Variants in DDX60L observed in about 807,000 individuals in gnomAD.
DDX60L encodes the protein probable ATP-dependent RNA helicase DDX60-like.
In DDX60L, 191 loss-of-function variants were observed where a neutral mutation model predicts 211.6. The ratio of observed to expected loss-of-function variants is 0.90; its 90% CI spans 0.80 to 1.02. The LOEUF (loss-of-function observed/expected upper bound fraction) is 1.02. DDX60L is among the 50% of genes least tolerant of loss of function. The probability of loss-of-function intolerance (pLI) is 0.00; values close to 1 mark genes in which losing one functional copy is unlikely to be tolerated. For synonymous variants in DDX60L, 706 were observed against 694.1 expected (o/e 1.02, Z -0.27); for missense variants, 2,007 against 1,984.1 (o/e 1.01, Z -0.22).
chr4:168,407,494 G>GT (rs1255054549), intron 22 of DDX60L, among the ~76,000 whole-genome samples: 13 of 152,186 alleles, frequency 8.5e-5, no homozygotes, highest in Admixed American at 2.6e-4. Context: ...CATCTAAACC[G>GT]TAACACCAAG....
intron 9 of DDX60L, among the ~76,000 whole-genome samples, chr4:168,442,528 G>C (rs1043391386): frequency 1.3e-5 from 2 of 152,222 alleles, no homozygotes; most frequent in Non-Finnish European, 2.9e-5. Flanking sequence ...GCCCACCACA[G>C]CTCAAGGAGG....
rs1454105995 is a variant in DDX60L at position 168,375,374 on chromosome 4, T to C, written c.4633+3A>G. 1 of 1,611,180 alleles carries C rather than the reference T, an allele frequency of 6.2e-7. No individual in the cohort carries two copies. The highest frequency in any genetic ancestry group is 1.7e-5 in the Admixed American group (1 of 59,596). On this transcript the variant is annotated splice_donor_region_variant and intron_variant, in intron 34 of 37. Transcript: ENST00000682922. The stretch of plus-strand genomic sequence containing the variant: ...TTCCGGAATGGAACTAAAATCTGCT[T>C]ACTGATTCTTGACAAAGGGAGTTGA...
At position 168,448,789 on chromosome 4, in the gene DDX60L, A is replaced by T; in HGVS notation, c.997-10T>A. 1 of 1,596,930 alleles carries T rather than the reference A, an allele frequency of 6.3e-7. No homozygotes were observed. Among genetic ancestry groups the T allele is most frequent in the Non-Finnish European group, 8.5e-7 (1 of 1,171,154 alleles). On this transcript the variant is annotated splice_polypyrimidine_tract_variant and intron_variant, in intron 8 of 37. Coordinates refer to ENST00000682922, the MANE Select transcript of DDX60L (RefSeq NM_001012967.3). Reference sequence around the variant, plus strand: ...ATTCACACCACTTGTTCTGAAAATTAAAAATAAAACATTATTAGCAGGGAG... The same window carrying T: ...ATTCACACCACTTGTTCTGAAAATTTAAAATAAAACATTATTAGCAGGGAG...
At chr4:168,408,787 T>G (rs1162045406) in intron 22 of DDX60L, among the ~76,000 whole-genome samples, 1 of 152,190 alleles carries the variant, frequency 6.6e-6, no homozygotes, top group Non-Finnish European at 1.5e-5. Context: ...AGGAAGGCTG[T>G]GCAGCTCTTC....
intron 4 of DDX60L, chr4:168,469,072 C>T (rs1004404664): frequency 2.6e-5 from 4 of 152,126 alleles, no homozygotes; most frequent in African/African-American, 9.7e-5. Context: ...TAGAAATTGG[C>T]AAGCTGATTC....
intron 29 of DDX60L, chr4:168,390,496 G>C: frequency 7.2e-7 from 1 of 1,395,970 alleles, no homozygotes; most frequent in East Asian, 2.8e-5. Flanking sequence ...TAAAATCACA[G>C]TCTTCATATT....
intron 26 of DDX60L, among the ~76,000 whole-genome samples, chr4:168,397,869 T>C (rs1746091995): frequency 1.3e-5 from 2 of 152,024 alleles, no homozygotes; most frequent in African/African-American, 4.8e-5. Context: ...GGAGACGCCT[T>C]CCCCAGGCAC....
At chr4:168,450,326 A>G (rs975294614) in intron 8 of DDX60L, among the ~76,000 whole-genome samples, 7 of 152,124 alleles carry the variant, frequency 4.6e-5, no homozygotes, top group Admixed American at 2.0e-4. Context: ...GACAGCTTCA[A>G]CGCCCTATGA....
rs1014539575 is a variant in DDX60L, at chr4:168,432,930, T to C, written c.1400+80A>G. On this transcript the variant is annotated intron_variant, in intron 11 of 37. Coordinates refer to ENST00000682922, the MANE Select transcript of DDX60L (RefSeq NM_001012967.3). The stretch of plus-strand genomic sequence containing the variant: ...CCATATCCTGATATGATATATTACA[T>C]AGACATTTTGATGAGTCATTCACTT... The C allele has an allele frequency of 3.0e-5, 25 of 826,412 alleles. No individual in the cohort carries two copies. The East Asian group carries it at 5.9e-4, about 20-fold the overall frequency. 51.2% of individuals were successfully genotyped at this position (826,412 alleles called of 1,614,324 possible).
intron 25 of DDX60L, among the ~76,000 whole-genome samples, chr4:168,402,124 C>CTTTTT (rs60345965): frequency 8.3e-5 from 9 of 108,504 alleles, no homozygotes; most frequent in Admixed American, 2.0e-4. Context: ...ACTTCAGAGG[C>CTTTTT]TTTTTTTTTT....
chr4:168,442,053 G>A lies in DDX60L; in HGVS notation c.1139-561C>T, dbSNP rs568102955. ...GTCTACAGCTCCCAGCGTGAGCAAC[G>A]CAGAAGACGGGTGATTTCTGCATTT... is the stretch of plus-strand genomic sequence containing the variant. On this transcript the variant is annotated intron_variant, in intron 9 of 37. Transcript: ENST00000682922. 2.4e-3 allele frequency among the ~76,000 whole-genome samples: 358 copies of A among 152,250 alleles called. 1 individual carries two copies. The highest frequency in any genetic ancestry group is 4.1e-3 in the Non-Finnish European group (278 of 68,028).
At chr4:168,366,934 A>G (rs984357008) in intron 36 of DDX60L, among the ~76,000 whole-genome samples, 4 of 151,898 alleles carry the variant, frequency 2.6e-5, no homozygotes, top group Admixed American at 2.6e-4. Context: ...ATGCCATTAT[A>G]TTATATGTTA....
At chr4:168,420,463 TACACACACAC>T (rs10598232) in intron 17 of DDX60L, 83 bp from the exon 18 acceptor site, 64,326 of 449,690 alleles carry the variant, frequency 0.14, 1,978 homozygotes, top group African/African-American at 0.15. Flanking sequence ...TCCATACACA[TACACACACAC>T]ACACACACAC....
chr4:168,383,387 A>G (rs917861125), intron 30 of DDX60L, among the ~76,000 whole-genome samples: 1 of 152,210 alleles, frequency 6.6e-6, no homozygotes, highest in African/African-American at 2.4e-5. Flanking sequence ...CACACTTCCA[A>G]GTTGTCCCAA....
chr4:168,397,372 A>G (rs980292162), intron 26 of DDX60L, among the ~76,000 whole-genome samples: 4 of 152,256 alleles, frequency 2.6e-5, no homozygotes, highest in Admixed American at 1.3e-4. Flanking sequence ...TAAAGAAAAT[A>G]AAGATATGGA....
At position 168,378,341 on chromosome 4, in the gene DDX60L, T is replaced by A. The variant is rs1025675275; in HGVS notation, c.4485+13A>T. 4.5e-6 allele frequency: 6 copies of A among 1,330,504 alleles called. No individual in the cohort carries two copies. Among genetic ancestry groups the A allele is most frequent in the Middle Eastern group, 1.9e-4 (1 of 5,320 alleles). The allele number at this position is 1,330,504 out of a possible 1,614,324, so 82.4% of individuals were successfully genotyped here. A position where few individuals can be genotyped will look rare whatever the true frequency, so the allele number is the denominator to read the frequency against. On this transcript the variant is annotated intron_variant, in intron 33 of 37. Transcript: ENST00000682922. ...TATCATTATTATATCATTGTAAGTA[T>A]AACAAACTTTACCTTTGACTGAGAA... is the stretch of plus-strand genomic sequence containing the variant.
chr4:168,373,742 C>T lies in DDX60L; in HGVS notation c.4700G>A (p.Arg1567Lys). Residue 1567 changes from arginine to lysine, a missense_variant, in exon 35 of 38, where the codon AGA (arginine) becomes AAA (lysine). By Grantham distance (26) the Arg-to-Lys change is conservative. Transcript: ENST00000682922. ...ACAAACAAATGGTGAAATGGCTACT[C>T]TTCCTTTCTTGCAGCTCATCAAGTG... The part of the protein sequence containing the change: ...VSHLMSCKKG[R>K]VAISPFVCLS... The T allele has an allele frequency of 6.2e-7, 1 of 1,614,060 alleles. No homozygotes were observed. Among genetic ancestry groups the T allele is most frequent in the Non-Finnish European group, 8.5e-7 (1 of 1,179,916 alleles).
At chr4:168,440,042 C>A (rs1753600639) in intron 10 of DDX60L, among the ~76,000 whole-genome samples, 1 of 152,116 alleles carries the variant, frequency 6.6e-6, no homozygotes, top group Non-Finnish European at 1.5e-5. Context: ...CCCCACGCAC[C>A]CATCAGAATG....
Position 168,461,967 on chromosome 4 carries a change from T to C in DDX60L, c.338A>G (p.His113Arg). Residue 113 changes from histidine to arginine, a missense_variant, in exon 5 of 38, where the codon CAC becomes CGC. Coordinates refer to ENST00000682922, the MANE Select transcript of DDX60L (RefSeq NM_001012967.3). ...LRTALILHLQ[H>R]NTNIDVQTEF... is the part of the protein sequence containing the mutation. ...CGTTTGCACATCAATGTTAGTATTG[T>C]GTTGAAGGTGGAGAATTAAAGCGGT... 1 of 1,613,470 alleles carries C rather than the reference T, an allele frequency of 6.2e-7. No individual in the cohort carries two copies. The highest frequency in any genetic ancestry group is 8.5e-7 in the Non-Finnish European group (1 of 1,179,688).
Sources: allele counts gnomAD v4.1 joint callset (sites outside exome capture counted in the v4.1 genomes callset), GRCh38; gene constraint gnomAD v4.1.1; transcripts MANE v1.5; gene names NCBI Gene and HGNC (gene_info 2026-07-23, HGNC 2026-07-21).